Variants in BMERB1 observed in about 807,000 individuals in gnomAD.
The protein encoded by BMERB1 is bMERB domain-containing protein 1.
Under a neutral mutation model 23.6 loss-of-function variants are expected in BMERB1, and 12 were observed. The ratio of observed to expected loss-of-function variants is 0.51; its 90% CI spans 0.33 to 0.82. BMERB1 has a LOEUF of 0.82. BMERB1 is among the 40% of genes least tolerant of loss of function. The pLI, the probability that BMERB1 is intolerant of heterozygous loss-of-function variation, is 0.03. For missense variants in BMERB1, 247 were observed against 255.4 expected, an observed-to-expected ratio of 0.97 and a Z score of 0.22; for synonymous variants, 122 against 96.6, an observed-to-expected ratio of 1.26 and a Z score of -1.54.
rs531411318 is a variant in BMERB1 at position 15,557,325 on chromosome 16, C to T, written c.231-10658C>T. Among the ~76,000 whole-genome samples the T allele has an allele frequency of 3.9e-5, 6 of 152,224 alleles. No homozygotes were observed. In the East Asian group the frequency reaches 1.2e-3, roughly 29 times the overall value. Reference sequence around the variant, plus strand: ...ATTTCCAGGTTCAGCCCTAATGGTACAGAGACCTGGACTAATGTGGCTTAT... The same window carrying T: ...ATTTCCAGGTTCAGCCCTAATGGTATAGAGACCTGGACTAATGTGGCTTAT... On this transcript the variant is annotated intron_variant, in intron 2 of 5. Coordinates refer to ENST00000300006, the MANE Select transcript of BMERB1 (RefSeq NM_033201.3).
chr16:15,474,401 G>GT (rs2051258289), intron 1 of BMERB1, among the ~76,000 whole-genome samples: 1 of 152,082 alleles, frequency 6.6e-6, no homozygotes, highest in Admixed American at 6.6e-5. Flanking sequence ...GTCTCACTCT[G>GT]TTGCCCAGGG....
At chr16:15,577,077 T>C (rs2030882991) in intron 3 of BMERB1, 2 of 152,160 alleles carry the variant, frequency 1.3e-5, no homozygotes, top group Admixed American at 1.3e-4. Context: ...AATCTTATCA[T>C]GCAAATGAAC....
At chr16:15,462,158 TTTTTTTTTTTTG>T (rs2051141438) in intron 1 of BMERB1, among the ~76,000 whole-genome samples, 1 of 131,508 alleles carries the variant, frequency 7.6e-6, no homozygotes, top group African/African-American at 2.8e-5. Context: ...TTTTTTTTTT[TTTTTTTTTTTTG>T]AGGTGGAGCG....
At chr16:15,477,539 G>T (rs2150933985) in intron 1 of BMERB1, among the ~76,000 whole-genome samples, 1 of 152,246 alleles carries the variant, frequency 6.6e-6, no homozygotes, top group East Asian at 1.9e-4. Flanking sequence ...GTTGAGGCAA[G>T]AGGATTACTT....
At chr16:15,531,662 AAAG>A (rs2051969171) in intron 2 of BMERB1, among the ~76,000 whole-genome samples, 1 of 152,090 alleles carries the variant, frequency 6.6e-6, no homozygotes, top group South Asian at 2.1e-4. Flanking sequence ...ATCTCCCAAA[AAAG>A]AAGCTTCTTA....
In BMERB1 at chr16:15,587,570, G is replaced by A. The variant is rs1456809203; in HGVS notation, c.*741G>A. The stretch of plus-strand genomic sequence containing the variant: ...TGTGCAGAAGAGCCAGCAGGGAACC[G>A]GAAGCTCTGATGTCAAGGCCAGAGC... On this transcript the variant is annotated 3_prime_UTR_variant, in exon 6 of 6. Transcript: ENST00000300006. 5.5e-5 allele frequency: 25 copies of A among 452,178 alleles called. 1 individual carries two copies. Among genetic ancestry groups the A allele is most frequent in the Middle Eastern group, 6.5e-4 (2 of 3,078 alleles). 28.0% of individuals were successfully genotyped at this position (452,178 alleles called of 1,614,324 possible).
intron 2 of BMERB1, among the ~76,000 whole-genome samples, chr16:15,537,624 G>T (rs1313005665): frequency 6.6e-6 from 1 of 151,464 alleles, no homozygotes; most frequent in Non-Finnish European, 1.5e-5. Context: ...AAAGTGCTGG[G>T]ATTACAGGCA....
chr16:15,527,096 C>T (rs1265160233), intron 2 of BMERB1, among the ~76,000 whole-genome samples: 1 of 151,746 alleles, frequency 6.6e-6, no homozygotes, highest in Admixed American at 6.6e-5. Context: ...ATAATATTTA[C>T]TATCTGAAAC....
intron 1 of BMERB1, among the ~76,000 whole-genome samples, chr16:15,495,494 T>C (rs1000905346): frequency 6.6e-6 from 1 of 152,172 alleles, no homozygotes; most frequent in African/African-American, 2.4e-5. Flanking sequence ...GCCTCCCAAG[T>C]AGCTGGGACT....
chr16:15,439,237 T>C (rs1433733860), intron 1 of BMERB1, among the ~76,000 whole-genome samples: 1 of 152,204 alleles, frequency 6.6e-6, no homozygotes, highest in Non-Finnish European at 1.5e-5. Context: ...CTCATTCAGC[T>C]GTCACTTGGT....
chr16:15,551,232 C>A (rs1387660070), intron 2 of BMERB1, among the ~76,000 whole-genome samples: 2 of 152,168 alleles, frequency 1.3e-5, no homozygotes, highest in Non-Finnish European at 2.9e-5. Flanking sequence ...AGTCTTTAGG[C>A]CTTGTTTCAA....
At chr16:15,532,526 CCTT>C (rs1015215654) in intron 2 of BMERB1, among the ~76,000 whole-genome samples, 3 of 147,616 alleles carry the variant, frequency 2.0e-5, no homozygotes, top group African/African-American at 7.5e-5. Context: ...CTATGCCCGG[CCTT>C]TTTTTTTTCT....
At chr16:15,460,275 A>T (rs1004157087) in intron 1 of BMERB1, among the ~76,000 whole-genome samples, 2 of 152,198 alleles carry the variant, frequency 1.3e-5, no homozygotes, top group African/African-American at 2.4e-5. Context: ...ACAGTTTCCA[A>T]ACTAAAGTTA....
At chr16:15,561,942 AG>A (rs2030433312) in intron 2 of BMERB1, among the ~76,000 whole-genome samples, 2 of 152,188 alleles carry the variant, frequency 1.3e-5, no homozygotes, top group Non-Finnish European at 2.9e-5. Flanking sequence ...TTGACTGTGT[AG>A]GTCCCAGGCA....
intron 3 of BMERB1, among the ~76,000 whole-genome samples, chr16:15,572,781 A>G (rs897613475): frequency 2.2e-4 from 33 of 152,146 alleles, no homozygotes; most frequent in African/African-American, 5.8e-4. Context: ...TGTAGCTCCT[A>G]TAATCCCCGT....
intron 1 of BMERB1, among the ~76,000 whole-genome samples, chr16:15,465,347 A>ATT (rs2051171698): frequency 1.5e-5 from 1 of 67,446 alleles, no homozygotes; most frequent in Non-Finnish European, 3.7e-5. Flanking sequence ...CAATGCTAAG[A>ATT]TATATATTTT....
intron 1 of BMERB1, among the ~76,000 whole-genome samples, chr16:15,512,013 A>AC: frequency 6.3e-5 from 1 of 15,804 alleles, no homozygotes; most frequent in Non-Finnish European, 1.7e-4. Context: ...ACTTGCTCTC[A>AC]AAAAAAAAAA....
At chr16:15,511,730 G>A (rs2051667864) in intron 1 of BMERB1, among the ~76,000 whole-genome samples, 1 of 152,134 alleles carries the variant, frequency 6.6e-6, no homozygotes, top group African/African-American at 2.4e-5. Context: ...GGAGTTGTCA[G>A]GCCAGGCACG....
intron 5 of BMERB1, among the ~76,000 whole-genome samples, chr16:15,586,336 T>C (rs528059476): frequency 2.0e-5 from 3 of 152,098 alleles, no homozygotes; most frequent in African/African-American, 4.8e-5. Context: ...TTTTCAAAAA[T>C]TGAAAAATAT....
Sources: allele counts gnomAD v4.1 joint callset (sites outside exome capture counted in the v4.1 genomes callset), GRCh38; gene constraint gnomAD v4.1.1; transcripts MANE v1.5; gene names NCBI Gene and HGNC (gene_info 2026-07-23, HGNC 2026-07-21).